MPRIP: variants seen among roughly 807,000 people sequenced by gnomAD.
MPRIP encodes myosin phosphatase Rho interacting protein, also known as myosin phosphatase Rho-interacting protein.
A neutral mutation model predicts 234.9 loss-of-function variants in MPRIP; 59 were observed. That is an observed-to-expected ratio of 0.25 (90% confidence interval 0.20 to 0.31). MPRIP has a LOEUF of 0.31. MPRIP is among the 10% of genes least tolerant of loss of function. The pLI, the probability that MPRIP is intolerant of heterozygous loss-of-function variation, is 1.00. For synonymous variants in MPRIP, 1,144 were observed against 1,263.9 expected, an observed-to-expected ratio of 0.91 and a Z score of 2.01; for missense variants, 2,436 against 3,071.0, an observed-to-expected ratio of 0.79 and a Z score of 4.89.
chr17:17,121,817 TC>T (rs1334339343), intron 3 of MPRIP, among the ~76,000 whole-genome samples: 2 of 151,942 alleles, frequency 1.3e-5, no homozygotes, highest in Admixed American at 6.6e-5. Context: ...CTTCCCACCC[TC>T]CCCACTCTGA....
chr17:17,136,133 C>G (rs1173206608), intron 5 of MPRIP, 86 bp from the exon 6 acceptor site: 1 of 1,466,582 alleles, frequency 6.8e-7, no homozygotes, highest in Non-Finnish European at 9.5e-7. Flanking sequence ...CCCGGGTGCC[C>G]CCTATAGCTA....
intron 3 of MPRIP, among the ~76,000 whole-genome samples, chr17:17,084,390 C>T (rs1304557210): frequency 6.6e-6 from 1 of 152,208 alleles, no homozygotes; most frequent in Non-Finnish European, 1.5e-5. Flanking sequence ...CACAGAGATT[C>T]GGGAGGAGCC....
chr17:17,050,857 T>C (rs1239990464), intron 1 of MPRIP, among the ~76,000 whole-genome samples: 3 of 152,220 alleles, frequency 2.0e-5, no homozygotes, highest in Non-Finnish European at 4.4e-5. Flanking sequence ...CAGGCTGGCG[T>C]ATCCCCCTCT....
At chr17:17,146,487 G>A (rs567376214) in intron 10 of MPRIP, among the ~76,000 whole-genome samples, 2 of 152,362 alleles carry the variant, frequency 1.3e-5, no homozygotes, top group South Asian at 2.1e-4. Flanking sequence ...AGCCAGCCAA[G>A]TAGACAGTAG....
At chr17:17,158,057 G>A (rs1419434130) in intron 13 of MPRIP, among the ~76,000 whole-genome samples, 1 of 152,098 alleles carries the variant, frequency 6.6e-6, no homozygotes, top group African/African-American at 2.4e-5. Context: ...TGAGGCTGTG[G>A]GAGTCCTGGG....
intron 5 of MPRIP, 32 bp from the exon 6 acceptor site, chr17:17,136,187 A>G (rs1255920995): frequency 4.3e-6 from 7 of 1,613,012 alleles, no homozygotes; most frequent in South Asian, 1.1e-5. Flanking sequence ...GTGCTCCTGC[A>G]CCTTCACAGA....
intron 13 of MPRIP, 109 bp downstream of exon 13, chr17:17,154,524 C>G (rs1319522707): frequency 1.2e-6 from 1 of 819,918 alleles, no homozygotes; most frequent in Non-Finnish European, 2.1e-6. Context: ...CTCAGTGCAT[C>G]CCAGTCTGCT....
At chr17:17,121,209 A>G (rs1326274526) in intron 3 of MPRIP, among the ~76,000 whole-genome samples, 1 of 152,230 alleles carries the variant, frequency 6.6e-6, no homozygotes, top group African/African-American at 2.4e-5. Context: ...GTGCACTTAC[A>G]CAAAGTTAGA....
chr17:17,104,901 G>T (rs2090034240), intron 3 of MPRIP, among the ~76,000 whole-genome samples: 1 of 152,146 alleles, frequency 6.6e-6, no homozygotes, highest in African/African-American at 2.4e-5. Flanking sequence ...GTGGGCACTT[G>T]TTCAGGTTTC....
intron 3 of MPRIP, among the ~76,000 whole-genome samples, chr17:17,081,603 CAGG>C (rs766956308): frequency 1.3e-5 from 2 of 152,180 alleles, no homozygotes; most frequent in Non-Finnish European, 2.9e-5. Context: ...AGGTGGACAT[CAGG>C]AGGTCACAGC....
intron 3 of MPRIP, among the ~76,000 whole-genome samples, chr17:17,124,446 A>G (rs1417123541): frequency 2.6e-5 from 4 of 152,160 alleles, no homozygotes; most frequent in Admixed American, 6.5e-5. Context: ...GACTGGCACC[A>G]TGGTATGGAT....
chr17:17,184,765 C>A, intron 23 of MPRIP, 58 bp from the exon 24 acceptor site: 1 of 1,381,976 alleles, frequency 7.2e-7, no homozygotes, highest in Non-Finnish European at 1.0e-6. Context: ...CCGGTCCGGT[C>A]CAGTGCAGGG....
At chr17:17,100,142 A>T (rs903309259) in intron 3 of MPRIP, among the ~76,000 whole-genome samples, 2 of 152,156 alleles carry the variant, frequency 1.3e-5, no homozygotes, top group Non-Finnish European at 2.9e-5. Context: ...AGAAGGGTAC[A>T]GATTTAGAAT....
chr17:17,126,726 A>G lies in MPRIP; in HGVS notation c.292A>G (p.Ile98Val), dbSNP rs1160796394. The change falls in exon 4 of 24, where the codon ATC becomes GTC. Residue 98 changes from isoleucine (I) to valine (V), a missense_variant. Physicochemically the swap from Ile to Val is conservative, Grantham distance 29 (BLOSUM62 3). Transcript: ENST00000651222. ...GCCCACGACCCTTCCTCAGGGCACCATCAACATGAACCAGTGCACAGATGT... is the reference window on the plus strand; with the variant it reads ...GCCCACGACCCTTCCTCAGGGCACCGTCAACATGAACCAGTGCACAGATGT... ...EMPTTLPQGT[I>V]NMNQCTDVVD... is the part of the protein sequence containing the mutation. 1.1e-5 allele frequency: 17 copies of G among 1,613,530 alleles called. No individual in the cohort carries two copies. The East Asian group carries it at 3.6e-4, about 34-fold the overall frequency.
chr17:17,074,973 C>T (rs2089293665), intron 1 of MPRIP, among the ~76,000 whole-genome samples: 4 of 152,156 alleles, frequency 2.6e-5, no homozygotes, highest in African/African-American at 9.7e-5. Flanking sequence ...ATTTGAGCCC[C>T]TGTTTTCCGT....
Position 17,109,253 on chromosome 17 carries a change from C to G in MPRIP, c.268-17449C>G, listed in dbSNP as rs567969973. Among the ~76,000 whole-genome samples, 19 of 152,346 alleles carry G rather than the reference C, an allele frequency of 1.2e-4. No individual in the cohort carries two copies. In the South Asian group the frequency reaches 2.5e-3, roughly 20 times the overall value. Reference sequence around the variant, plus strand: ...CTCTGAGAATTCACCAGAGGGACTTCCAGACAGTGGTGTAAAAGGGAGTGT... The same window carrying G: ...CTCTGAGAATTCACCAGAGGGACTTGCAGACAGTGGTGTAAAAGGGAGTGT... On this transcript the variant is annotated intron_variant, in intron 3 of 23. Coordinates refer to ENST00000651222, the MANE Select transcript of MPRIP (RefSeq NM_001364716.4).
intron 5 of MPRIP, among the ~76,000 whole-genome samples, chr17:17,131,993 C>T (rs573605816): frequency 1.3e-5 from 2 of 152,294 alleles, no homozygotes; most frequent in South Asian, 4.1e-4. Context: ...CTGCTGGCAG[C>T]TGGGGAGGGG....
intron 3 of MPRIP, among the ~76,000 whole-genome samples, chr17:17,125,576 A>G (rs2090475829): frequency 6.6e-6 from 1 of 152,220 alleles, no homozygotes; most frequent in Non-Finnish European, 1.5e-5. Context: ...TGGAGGGACA[A>G]GGAGGTTGCA....
chr17:17,183,829 GT>G (rs934403877), intron 23 of MPRIP, among the ~76,000 whole-genome samples: 7 of 152,222 alleles, frequency 4.6e-5, no homozygotes, highest in African/African-American at 9.6e-5. Flanking sequence ...CGTTGCTCAG[GT>G]TTTTGGTTGA....
Sources: allele counts gnomAD v4.1 joint callset (sites outside exome capture counted in the v4.1 genomes callset), GRCh38; gene constraint gnomAD v4.1.1; transcripts MANE v1.5; gene names NCBI Gene and HGNC (gene_info 2026-07-23, HGNC 2026-07-21).